The following KCNQ4 variants were observed in gnomAD, a reference collection of about 807,000 sequenced individuals.
KCNQ4 encodes the protein potassium voltage-gated channel subfamily KQT member 4.
In KCNQ4, 31 loss-of-function variants were observed where a neutral mutation model predicts 72.6. That is an observed-to-expected ratio of 0.43 (90% confidence interval 0.32 to 0.58). The LOEUF (loss-of-function observed/expected upper bound fraction) is 0.58. Ranked by LOEUF, KCNQ4 falls within the 20% of genes least tolerant of loss-of-function variation. KCNQ4 has a pLI of 0.08. For missense variants in KCNQ4, 869 were observed against 962.6 expected (o/e 0.90, Z 1.29); for synonymous variants, 405 against 403.7 (o/e 1.00, Z -0.04).
At position 40,795,136 on chromosome 1, in the gene KCNQ4, TTATACA is replaced by T. The variant is rs566634002; in HGVS notation, c.314+10732_314+10737del. ...CAACCTCTCTGAGGCACCAGCTTCC[TTATACA>T]TAGAATGACAATTGCCATCTGTCCC... On this transcript the variant is annotated intron_variant, in intron 1 of 13. Coordinates refer to ENST00000347132, the MANE Select transcript of KCNQ4 (RefSeq NM_004700.4). Among the ~76,000 whole-genome samples the T allele has an allele frequency of 2.3e-4, 35 of 152,252 alleles. No individual in the cohort carries two copies. In the South Asian group the frequency reaches 3.5e-3, roughly 15 times the overall value.
At position 40,818,633 on chromosome 1, in the gene KCNQ4, G is replaced by A. The variant is rs1311781374; in HGVS notation, c.661G>A (p.Gly221Ser). The A allele has an allele frequency of 6.2e-7, 1 of 1,606,702 alleles. No individual in the cohort carries two copies. The change falls in exon 4 of 14, where the codon GGC (glycine) becomes AGC (serine). Residue 221 changes from glycine to serine, a missense_variant. Physicochemically the swap from Gly to Ser is moderately conservative, Grantham distance 56 (BLOSUM62 0). This residue lies in a region of KCNQ4 where 179 missense variants were observed against 243.0 expected (regional missense o/e 0.74). Transcript: ENST00000347132. ...ILRMVRMDRR[G>S]GTWKLLGSVV... is the part of the protein sequence containing the mutation. ...GCGCATGGTGCGCATGGACCGCCGC[G>A]GCGGCACCTGGAAGCTGCTGGGCTC...
At chr1:40,786,416 C>A (rs1647203505) in intron 1 of KCNQ4, among the ~76,000 whole-genome samples, 1 of 152,218 alleles carries the variant, frequency 6.6e-6, no homozygotes, top group South Asian at 2.1e-4. Context: ...TCCACTGGCA[C>A]CTTTGCCCCA....
At chr1:40,826,702 C>G (rs1389982432) in intron 9 of KCNQ4, 1 of 454,934 alleles carries the variant, frequency 2.2e-6, no homozygotes. Flanking sequence ...GAGGTACCCC[C>G]TCGCCTGCTC....
intron 1 of KCNQ4, among the ~76,000 whole-genome samples, chr1:40,803,625 G>A (rs760860387): frequency 3.3e-5 from 5 of 152,148 alleles, no homozygotes; most frequent in Non-Finnish European, 5.9e-5. Context: ...TTAGCTGTGG[G>A]TCAGGCCCAG....
intron 9 of KCNQ4, among the ~76,000 whole-genome samples, chr1:40,828,591 C>T (rs1183574169): frequency 1.3e-5 from 2 of 152,196 alleles, no homozygotes; most frequent in Non-Finnish European, 2.9e-5. Context: ...GCTCTGTGAC[C>T]TTGGCCAAAT....
intron 1 of KCNQ4, among the ~76,000 whole-genome samples, chr1:40,785,581 C>T (rs1408792261): frequency 1.3e-5 from 2 of 152,084 alleles, no homozygotes; most frequent in Non-Finnish European, 2.9e-5. Flanking sequence ...CACCCTTCCA[C>T]CTAACTGTCC....
chr1:40,793,307 C>A (rs955740375), intron 1 of KCNQ4, among the ~76,000 whole-genome samples: 4 of 152,104 alleles, frequency 2.6e-5, no homozygotes, highest in Non-Finnish European at 5.9e-5. Context: ...TTGAATGCAA[C>A]CCCCCTGGCT....
At chr1:40,819,497 G>C (rs749504951) in intron 5 of KCNQ4, 25 bp downstream of exon 5, 2 of 1,613,032 alleles carry the variant, frequency 1.2e-6, no homozygotes, top group Non-Finnish European at 1.7e-6. Context: ...TTGTAGGGCT[G>C]CCCTTCTCCC....
At chr1:40,796,426 T>C (rs1229461596) in intron 1 of KCNQ4, among the ~76,000 whole-genome samples, 1 of 152,204 alleles carries the variant, frequency 6.6e-6, no homozygotes, top group Admixed American at 6.5e-5. Flanking sequence ...GTAGGTACTG[T>C]TATTATGCCT....
Position 40,838,899 on chromosome 1 carries a change from G to A in KCNQ4, c.*376G>A. On this transcript the variant is annotated 3_prime_UTR_variant, in exon 14 of 14. Transcript: ENST00000347132. ...CCCAGCTTCCAGCTATGCAAGGTGA[G>A]GTCTCTGGCCCACCCTTCGGACACA... is the stretch of plus-strand genomic sequence containing the variant. The A allele has an allele frequency of 5.5e-6, 2 of 361,520 alleles. No homozygotes were observed. Among genetic ancestry groups the A allele is most frequent in the South Asian group, 5.4e-5 (2 of 37,362 alleles). The allele number at this position is 361,520 out of a possible 1,614,324, so 22.4% of individuals were successfully genotyped here.
rs1466156188 is a variant in KCNQ4, at chr1:40,817,259, T to G, written c.315-6T>G. On this transcript the variant is annotated splice_region_variant and splice_polypyrimidine_tract_variant and intron_variant, in intron 1 of 13. Transcript: ENST00000347132. This position sits in a 1 kb window ranked among gnomAD's most constrained non-coding sequence, Gnocchi z 5.5. ...TCTAACCCTCTCCCTCATGTTGTAATTGCAGATTTTTGCTGGTCTTCAGCT... is the reference window on the plus strand; with the variant it reads ...TCTAACCCTCTCCCTCATGTTGTAAGTGCAGATTTTTGCTGGTCTTCAGCT... 21 of 1,612,564 alleles carry G rather than the reference T, an allele frequency of 1.3e-5. No individual in the cohort carries two copies. Among genetic ancestry groups the G allele is most frequent in the Non-Finnish European group, 1.6e-5 (19 of 1,179,062 alleles).
chr1:40,824,254 GA>G lies in KCNQ4; in HGVS notation c.1291del (p.Ser431AlafsTer65). ...GGGCAGCACCTCCTTCTGCCCTGGGGAAAGGTAGGGGCCCCGTGGGGCTGCC... is the reference window on the plus strand; with the variant it reads ...GGGCAGCACCTCCTTCTGCCCTGGGGAAGGTAGGGGCCCCGTGGGGCTGCC... ...RPGSTSFCPG[E>X]SSRMGIKDRI... On this transcript the variant is annotated frameshift_variant, in exon 9 of 14. Coordinates refer to ENST00000347132, the MANE Select transcript of KCNQ4 (RefSeq NM_004700.4). LOFTEE classifies it high-confidence loss of function. 6.2e-7 allele frequency: 1 copy of G among 1,607,552 alleles called. No individual in the cohort carries two copies. Among genetic ancestry groups the G allele is most frequent in the Non-Finnish European group, 8.5e-7 (1 of 1,178,090 alleles).
intron 1 of KCNQ4, among the ~76,000 whole-genome samples, chr1:40,812,070 C>T (rs1462811497): frequency 6.6e-6 from 1 of 152,188 alleles, no homozygotes; most frequent in Non-Finnish European, 1.5e-5. Flanking sequence ...CTCTCTTCTG[C>T]TGTCCCTGTG....
intron 9 of KCNQ4, among the ~76,000 whole-genome samples, chr1:40,830,019 G>A (rs1285652019): frequency 1.3e-5 from 2 of 152,234 alleles, no homozygotes; most frequent in East Asian, 3.8e-4. Flanking sequence ...GTGGTGGGGA[G>A]TTGGATGCGG....
At chr1:40,796,842 C>T (rs1027835324) in intron 1 of KCNQ4, among the ~76,000 whole-genome samples, 19 of 151,974 alleles carry the variant, frequency 1.3e-4, no homozygotes, top group Non-Finnish European at 1.6e-4. Flanking sequence ...CGCTTAAACC[C>T]GGGAGGTAGA....
chr1:40,835,567 C>T (rs1384974352), intron 12 of KCNQ4, among the ~76,000 whole-genome samples: 1 of 152,148 alleles, frequency 6.6e-6, no homozygotes, highest in Non-Finnish European at 1.5e-5. Flanking sequence ...CCTCTTCTGG[C>T]CTGCATTTTC....
intron 1 of KCNQ4, among the ~76,000 whole-genome samples, chr1:40,799,065 C>T (rs1451938541): frequency 2.0e-5 from 3 of 152,274 alleles, no homozygotes; most frequent in Non-Finnish European, 2.9e-5. Context: ...CTGTCTTGGC[C>T]AGGGCCGTGG....
chr1:40,818,242 G>A lies in KCNQ4; in HGVS notation c.484G>A (p.Gly162Arg). The change falls in exon 3 of 14, where the codon GGA becomes AGA. Residue 162 changes from glycine to arginine, a missense_variant. Gly to Arg is a moderately radical substitution (Grantham distance 125). Around this residue, in one of 5 missense-constraint regions of KCNQ4, gnomAD observed 179 missense variants for 243.0 expected, o/e 0.74. Transcript: ENST00000347132. ...WSAGCCCRYR[G>R]WQGRFRFARK... ...CGCCGGATGCTGCTGCCGCTACCGA[G>A]GATGGCAGGGTCGCTTCCGCTTTGC... 4 of 1,614,006 alleles carry A rather than the reference G, an allele frequency of 2.5e-6. No homozygotes were observed. The highest frequency in any genetic ancestry group is 3.4e-6 in the Non-Finnish European group (4 of 1,180,032).
chr1:40,794,935 ACCAAC>A lies in KCNQ4; in HGVS notation c.314+10533_314+10537del, dbSNP rs1283880582. 8.1e-6 allele frequency among the ~76,000 whole-genome samples: 1 copy of A among 122,766 alleles called. No individual in the cohort carries two copies. Among genetic ancestry groups the A allele is most frequent in the Non-Finnish European group, 1.6e-5 (1 of 62,438 alleles). 80.5% of individuals were successfully genotyped at this position (122,766 alleles called of 152,430 possible). On this transcript the variant is annotated intron_variant, in intron 1 of 13. Coordinates refer to ENST00000347132, the MANE Select transcript of KCNQ4 (RefSeq NM_004700.4). This position sits in a 1 kb window ranked among gnomAD's most constrained non-coding sequence, Gnocchi z 4.2. ...TCAGGTCCCGCACTTTGCAGTGAGG[ACCAAC>A]CCAAGGCTCTTTCCTAAGATTGGGT...
Sources: gnomAD v4.1 joint callset for allele counts (sites outside exome capture counted in the v4.1 genomes callset) on GRCh38, gnomAD v4.1.1 for gene constraint, gnomAD v4.1.1 regional missense constraint, Gnocchi (gnomAD v3.1) non-coding constraint, MANE v1.5 for transcripts, NCBI Gene and HGNC (gene_info 2026-07-23, HGNC 2026-07-21) for gene names.